TEX9: variants seen among roughly 807,000 people sequenced by gnomAD.
TEX9 encodes the protein testis expressed 9.
In TEX9, 74 loss-of-function variants were observed where a neutral mutation model predicts 59.6. The observed-to-expected ratio is 1.24, with a 90% confidence interval of 1.03 to 1.51. The LOEUF is 1.51. Ranked by LOEUF, TEX9 falls within the 40% of genes most tolerant of loss-of-function variation. The pLI is 0.00. For missense variants in TEX9, 522 were observed against 447.8 expected (o/e 1.17, Z -1.49); for synonymous variants, 186 against 152.2 (o/e 1.22, Z -1.64).
At chr15:56,273,207 C>T (rs1386274215) in intron 1 of TEX9, among the ~76,000 whole-genome samples, 2 of 151,996 alleles carry the variant, frequency 1.3e-5, no homozygotes, top group African/African-American at 4.8e-5. Context: ...CCTGCCTTGG[C>T]CTCCAAAAGT....
the TEX9 span, among the ~76,000 whole-genome samples, chr15:56,454,419 G>A: frequency 1.3e-5 from 2 of 152,100 alleles, no homozygotes; most frequent in South Asian, 4.2e-4. Context: ...TAGTCACCCT[G>A]CTGTGCTATG....
At chr15:56,277,380 T>A (rs1300552828) in intron 1 of TEX9, among the ~76,000 whole-genome samples, 2 of 152,200 alleles carry the variant, frequency 1.3e-5, no homozygotes, top group African/African-American at 4.8e-5. Context: ...CCAGTTTCTG[T>A]TTTCTGTGTA....
At chr15:56,366,850 A>G (rs2046968090) in intron 2 of TEX9, among the ~76,000 whole-genome samples, 1 of 152,240 alleles carries the variant, frequency 6.6e-6, no homozygotes, top group African/African-American at 2.4e-5. Context: ...TACACAGACC[A>G]ATTTACCACA....
At chr15:56,333,114 A>G (rs145310686) in intron 1 of TEX9, among the ~76,000 whole-genome samples, 159 of 152,230 alleles carry the variant, frequency 1.0e-3, no homozygotes, top group Middle Eastern at 6.8e-3. Context: ...AATAACAATC[A>G]TACTCCAACT....
intron 1 of TEX9, among the ~76,000 whole-genome samples, chr15:56,349,532 C>T (rs1387540016): frequency 6.6e-6 from 1 of 152,064 alleles, no homozygotes. Context: ...TTTAGCAACC[C>T]TCTGTTGTAC....
chr15:56,338,082 A>T (rs1174261718), intron 1 of TEX9, among the ~76,000 whole-genome samples: 1 of 152,186 alleles, frequency 6.6e-6, no homozygotes, highest in Non-Finnish European at 1.5e-5. Context: ...CTTTGGCACA[A>T]GGAATCTGAA....
rs113275373 is a variant in TEX9, at chr15:56,398,956, A to T, written c.828+4122A>T. Reference sequence around the variant, plus strand: ...AGACCATCCTGGCTAACATGGTGAAACCCTGTCTCTACTAAAAATACAAAA... The same window carrying T: ...AGACCATCCTGGCTAACATGGTGAATCCCTGTCTCTACTAAAAATACAAAA... On this transcript the variant is annotated intron_variant, in intron 9 of 12. Coordinates refer to ENST00000352903, the Ensembl canonical transcript of TEX9. 4.5e-3 allele frequency among the ~76,000 whole-genome samples: 679 copies of T among 152,278 alleles called. 2 individuals are homozygous for T. The highest frequency in any genetic ancestry group is 0.01 in the Middle Eastern group (3 of 294).
At chr15:56,347,625 C>G (rs2046496867) in intron 1 of TEX9, among the ~76,000 whole-genome samples, 1 of 151,610 alleles carries the variant, frequency 6.6e-6, no homozygotes, top group South Asian at 2.1e-4. Context: ...TCAAATTGGA[C>G]TGCAGACTTA....
rs768845050 is a variant in TEX9 at position 56,367,680 on chromosome 15, C to T, written c.119+2010C>T. Among the ~76,000 whole-genome samples, 13 of 152,260 alleles carry T rather than the reference C, an allele frequency of 8.5e-5. No homozygotes were observed. The South Asian group carries it at 2.1e-3, about 24-fold the overall frequency. ...TGACTTATTTATGCTATTGAATTTT[C>T]CACGAATATGATACTTCTCCATTTA... On this transcript the variant is annotated intron_variant, in intron 2 of 12. Transcript: ENST00000352903.
At chr15:56,442,872 A>G (rs1452264076) in intron 12 of TEX9, among the ~76,000 whole-genome samples, 2 of 151,854 alleles carry the variant, frequency 1.3e-5, no homozygotes, top group Admixed American at 6.6e-5. Flanking sequence ...CAGCACATGT[A>G]CCTCCTGAAC....
At chr15:56,343,858 G>T (rs1213255412) in intron 1 of TEX9, among the ~76,000 whole-genome samples, 1 of 152,086 alleles carries the variant, frequency 6.6e-6, no homozygotes, top group Non-Finnish European at 1.5e-5. Context: ...GTGGGCAAAG[G>T]ATCTGAATAG....
chr15:56,443,775 TC>T (rs1374729936), intron 12 of TEX9: 1 of 1,613,168 alleles, frequency 6.2e-7, no homozygotes, highest in South Asian at 1.1e-5. Flanking sequence ...TTCTTTTTTC[TC>T]CAGAGAGCCT....
rs145481557 is a variant in TEX9, at chr15:56,261,535, T to C, written c.-107+17257T>C. ...GAGTTCGAGACCAGCCTGACCAACA[T>C]GGCGAAACCTCATCTCTACTAAAAA... On this transcript the variant is annotated intron_variant, in intron 1 of 5. Transcript: ENST00000560827. 5.3e-3 allele frequency among the ~76,000 whole-genome samples: 808 copies of C among 152,092 alleles called. 20 individuals carry two copies. Among genetic ancestry groups the C allele is most frequent in the East Asian group, 0.041 (214 of 5,168 alleles).
At chr15:56,303,847 C>T (rs1596075632) in intron 1 of TEX9, among the ~76,000 whole-genome samples, 2 of 152,098 alleles carry the variant, frequency 1.3e-5, no homozygotes, top group East Asian at 3.9e-4. Flanking sequence ...TTCAAAGGAT[C>T]ATTAAAGACT....
intron 2 of TEX9, among the ~76,000 whole-genome samples, chr15:56,368,065 G>T (rs1048506256): frequency 6.6e-6 from 1 of 152,120 alleles, no homozygotes; most frequent in African/African-American, 2.4e-5. Flanking sequence ...GAGCTTCCTT[G>T]TTTATGATTT....
intron 1 of TEX9, among the ~76,000 whole-genome samples, chr15:56,305,871 A>C (rs574888247): frequency 3.2e-4 from 48 of 152,330 alleles, no homozygotes; most frequent in African/African-American, 1.0e-3. Context: ...CAATCTATCT[A>C]TCTGACAAGG....
intron 1 of TEX9, among the ~76,000 whole-genome samples, chr15:56,286,991 C>A (rs1308031574): frequency 2.6e-5 from 4 of 152,070 alleles, no homozygotes; most frequent in Non-Finnish European, 5.9e-5. Context: ...TAGGGGAAAT[C>A]CAATTTGAAC....
chr15:56,409,370 G>A lies in TEX9; in HGVS notation c.829-2932G>A, dbSNP rs181439646. On this transcript the variant is annotated intron_variant, in intron 9 of 12. Coordinates refer to ENST00000352903, the Ensembl canonical transcript of TEX9. ...TTCTCTTATCAAAACCTAACACTGT[G>A]CCTATGTCACTCGGCTGAAACCACA... Among the ~76,000 whole-genome samples the A allele has an allele frequency of 2.4e-3, 370 of 152,226 alleles. 6 individuals carry two copies. The highest frequency in any genetic ancestry group is 2.2e-3 in the Non-Finnish European group (152 of 68,024).
intron 1 of TEX9, among the ~76,000 whole-genome samples, chr15:56,317,923 TATCTC>T (rs2045814990): frequency 1.3e-5 from 2 of 152,176 alleles, no homozygotes; most frequent in African/African-American, 2.4e-5. Flanking sequence ...TTCTGGAAAA[TATCTC>T]ATGGGCACTT....
Sources: gnomAD v4.1 joint callset for allele counts (sites outside exome capture counted in the v4.1 genomes callset) on GRCh38, gnomAD v4.1.1 for gene constraint, MANE v1.5 for transcripts, NCBI Gene and HGNC (gene_info 2026-07-23, HGNC 2026-07-21) for gene names.